MEGF11: variants seen among roughly 807,000 people sequenced by gnomAD.
The protein encoded by MEGF11 is multiple EGF like domains 11.
A neutral mutation model predicts 146.6 loss-of-function variants in MEGF11; 126 were observed. The observed-to-expected ratio is 0.86, with a 90% confidence interval of 0.74 to 1.00. MEGF11 has a LOEUF of 1.00. MEGF11 is among the 50% of genes least tolerant of loss of function. The pLI is 0.00. For missense variants in MEGF11, 1,509 were observed against 1,521.2 expected, an observed-to-expected ratio of 0.99 and a Z score of 0.13; for synonymous variants, 532 against 583.4, an observed-to-expected ratio of 0.91 and a Z score of 1.27.
At position 65,930,825 on chromosome 15, in the gene MEGF11, T is replaced by C. The variant is rs2079550897; in HGVS notation, c.1406A>G (p.Glu469Gly). ...GCTTGGGAGAGAGGGCACATTACCTTCCTTGCAGGTACAGGAGCCATCTAC... is the reference window on the plus strand; with the variant it reads ...GCTTGGGAGAGAGGGCACATTACCTCCCTTGCAGGTACAGGAGCCATCTAC... ...SPVDGSCTCK[E>G]GWQGLDCTLP... The change falls in exon 11 of 26, where the codon GAA (glutamate) becomes GGA (glycine). Residue 469 changes from glutamate (E) to glycine (G), a missense_variant and splice_region_variant. Glu to Gly is a moderately conservative substitution (Grantham distance 98). Transcript: ENST00000395614. The C allele has an allele frequency of 6.2e-7, 1 of 1,606,324 alleles. No homozygotes were observed. Among genetic ancestry groups the C allele is most frequent in the Non-Finnish European group, 8.5e-7 (1 of 1,175,782 alleles).
chr15:65,966,381 G>A (rs966931348), intron 8 of MEGF11, among the ~76,000 whole-genome samples: 1 of 152,218 alleles, frequency 6.6e-6, no homozygotes, highest in Non-Finnish European at 1.5e-5. Context: ...ATTCTTTGCA[G>A]CATATGAAAC....
intron 1 of MEGF11, among the ~76,000 whole-genome samples, chr15:66,242,016 T>C (rs1047631108): frequency 1.3e-5 from 2 of 152,158 alleles, no homozygotes; most frequent in East Asian, 1.9e-4. Context: ...AATAAATCTA[T>C]CTGGAAAAGA....
intron 5 of MEGF11, among the ~76,000 whole-genome samples, chr15:66,085,540 T>C (rs563104859): frequency 3.9e-5 from 6 of 152,202 alleles, no homozygotes; most frequent in East Asian, 1.9e-4. Flanking sequence ...CGGAGCTGGG[T>C]AGACTTACCA....
chr15:66,177,996 CT>C (rs1469044269), intron 1 of MEGF11, among the ~76,000 whole-genome samples: 1 of 151,256 alleles, frequency 6.6e-6, no homozygotes, highest in Non-Finnish European at 1.5e-5. Flanking sequence ...TTCTTTTTCA[CT>C]GATTGATTCA....
At chr15:66,152,621 C>T (rs1482709060) in intron 1 of MEGF11, among the ~76,000 whole-genome samples, 1 of 152,208 alleles carries the variant, frequency 6.6e-6, no homozygotes, top group Non-Finnish European at 1.5e-5. Context: ...ATGCTTCTCT[C>T]TGGACCATTA....
intron 7 of MEGF11, among the ~76,000 whole-genome samples, chr15:65,974,361 G>A (rs545625490): frequency 3.3e-5 from 5 of 152,232 alleles, no homozygotes; most frequent in Admixed American, 3.3e-4. Flanking sequence ...GAAAAGGGGA[G>A]AGAAGAGTCA....
At position 65,897,660 on chromosome 15, in the gene MEGF11, T is replaced by C. The variant is rs1031278896; in HGVS notation, c.*274A>G. 6 of 251,528 alleles carry C rather than the reference T, an allele frequency of 2.4e-5. No individual in the cohort carries two copies. The highest frequency in any genetic ancestry group is 1.3e-4 in the African/African-American group (6 of 45,084). 15.6% of individuals were successfully genotyped at this position (251,528 alleles called of 1,614,324 possible). A position where few individuals can be genotyped will look rare whatever the true frequency, so the allele number is the denominator to read the frequency against. On this transcript the variant is annotated 3_prime_UTR_variant, in exon 26 of 26. Transcript: ENST00000395614. The stretch of plus-strand genomic sequence containing the variant: ...TATATATATATCAGCTATATTTAGC[T>C]GATGTTGATGAGTAGCTGTATCTTA...
Position 65,913,861 on chromosome 15 carries a change from A to G in MEGF11, c.2586T>C (p.Ile862=). 6.2e-7 allele frequency: 1 copy of G among 1,613,926 alleles called. No homozygotes were observed. Among genetic ancestry groups the G allele is most frequent in the Non-Finnish European group, 8.5e-7 (1 of 1,179,870 alleles). Residue 862 remains isoleucine, a synonymous_variant, in exon 20 of 26, where the codon ATT becomes ATC. Transcript: ENST00000395614. ...AGGCAAATAGGCCCAGCAGCACCAC[A>G]ATGAGGAATAACAGGAGCATGATGC... ...VTGIMLLLFL[I]VVLLGLFAWH...
At position 65,902,155 on chromosome 15, in the gene MEGF11, G is replaced by A. The variant is rs997900778; in HGVS notation, c.3056-3221C>T. 2.0e-5 allele frequency: 3 copies of A among 152,378 alleles called. No homozygotes were observed. In the South Asian group the frequency reaches 6.2e-4, roughly 32 times the overall value. The allele number at this position is 152,378 out of a possible 1,614,324, so 9.4% of individuals were successfully genotyped here. On this transcript the variant is annotated intron_variant, in intron 24 of 25. Coordinates refer to ENST00000395614, the MANE Select transcript of MEGF11 (RefSeq NM_001385028.1). ...GATATCCCATGACTGAGTTAGGGCA[G>A]TAGGAGAGCCTTGAAGTTCAATGCC...
At chr15:66,099,597 C>T (rs969079394) in intron 4 of MEGF11, among the ~76,000 whole-genome samples, 1 of 152,220 alleles carries the variant, frequency 6.6e-6, no homozygotes, top group Admixed American at 6.5e-5. Context: ...CTTGAGCAAC[C>T]TCTCTGGTCC....
At chr15:66,000,242 G>T (rs761244011) in intron 5 of MEGF11, among the ~76,000 whole-genome samples, 2 of 152,206 alleles carry the variant, frequency 1.3e-5, no homozygotes, top group Non-Finnish European at 2.9e-5. Context: ...GGGGTCTAGG[G>T]AATCAAGAGC....
At chr15:66,131,929 GAAGA>G (rs1202055786) in intron 1 of MEGF11, among the ~76,000 whole-genome samples, 5 of 152,220 alleles carry the variant, frequency 3.3e-5, no homozygotes, top group Non-Finnish European at 7.3e-5. Context: ...CACCAAGTCT[GAAGA>G]AAGGCCTGGT....
Position 65,964,830 on chromosome 15 carries a change from G to C in MEGF11, c.1112+78C>G, listed in dbSNP as rs1385637869. 5.9e-6 allele frequency: 8 copies of C among 1,347,406 alleles called. No homozygotes were observed. The Admixed American group carries it at 1.8e-4, about 30-fold the overall frequency. 83.5% of individuals were successfully genotyped at this position (1,347,406 alleles called of 1,614,324 possible). On this transcript the variant is annotated intron_variant, in intron 9 of 25. Coordinates refer to ENST00000395614, the MANE Select transcript of MEGF11 (RefSeq NM_001385028.1). ...CTGGATGTCCATGCTAGAGGTGGGG[G>C]GCCACATCCTAGCAAGCCTCCTCTC...
chr15:66,020,946 C>A (rs167998), intron 5 of MEGF11, among the ~76,000 whole-genome samples: 2 of 144,242 alleles, frequency 1.4e-5, no homozygotes, highest in Non-Finnish European at 3.0e-5. Context: ...GAGCCGAGAT[C>A]GCGCCATTGC....
chr15:66,031,416 G>T (rs2083514638), intron 5 of MEGF11, among the ~76,000 whole-genome samples: 2 of 152,154 alleles, frequency 1.3e-5, no homozygotes, highest in Non-Finnish European at 2.9e-5. Flanking sequence ...GGTCTTCCTG[G>T]CAAATGTCAC....
intron 25 of MEGF11, chr15:65,898,414 T>C: frequency 2.0e-6 from 2 of 985,400 alleles, no homozygotes; most frequent in Non-Finnish European, 2.4e-6. Context: ...TTGCTTTCTT[T>C]TTTAAAATGA....
At chr15:65,951,998 T>G (rs992885812) in intron 10 of MEGF11, among the ~76,000 whole-genome samples, 1 of 152,150 alleles carries the variant, frequency 6.6e-6, no homozygotes, top group African/African-American at 2.4e-5. Context: ...CGAGGCCCTA[T>G]CTCTAAAAAA....
chr15:66,174,789 T>A (rs1309513012), intron 1 of MEGF11, among the ~76,000 whole-genome samples: 1 of 152,148 alleles, frequency 6.6e-6, no homozygotes, highest in Non-Finnish European at 1.5e-5. Context: ...TAGATACCTT[T>A]GGGTGGTATG....
At chr15:66,041,922 T>C (rs908160038) in intron 5 of MEGF11, among the ~76,000 whole-genome samples, 2 of 151,920 alleles carry the variant, frequency 1.3e-5, no homozygotes, top group African/African-American at 4.8e-5. Flanking sequence ...TCAGCCTGAG[T>C]CCATGCTCTT....
Sources: gnomAD v4.1 joint callset for allele counts (sites outside exome capture counted in the v4.1 genomes callset) on GRCh38, gnomAD v4.1.1 for gene constraint, MANE v1.5 for transcripts, NCBI Gene and HGNC (gene_info 2026-07-23, HGNC 2026-07-21) for gene names.